Variants in SRCAP observed in about 807,000 individuals in gnomAD.
SRCAP encodes the protein Snf2 related CREBBP activator protein.
SRCAP carries 46 observed loss-of-function variants against 263.1 expected under a neutral mutation model. That is an observed-to-expected ratio of 0.17 (90% CI 0.14 to 0.22). The LOEUF (loss-of-function observed/expected upper bound fraction) is 0.22, where lower values mean the gene tolerates loss of function less well. SRCAP is among the 10% of genes least tolerant of loss of function. The pLI, the probability that SRCAP is intolerant of heterozygous loss-of-function variation, is 1.00. For missense variants in SRCAP, 3,695 were observed against 4,181.9 expected, an observed-to-expected ratio of 0.88 and a Z score of 3.21; for synonymous variants, 1,813 against 1,662.1, an observed-to-expected ratio of 1.09 and a Z score of -2.21.
At position 30,737,271 on chromosome 16, in the gene SRCAP, C is replaced by G. The variant is rs780573724; in HGVS notation, c.7231C>G (p.His2411Asp). The change falls in exon 34 of 34, where the codon CAC becomes GAC. Residue 2411 changes from histidine (H) to aspartate (D), a missense_variant. Physicochemically the swap from His to Asp is moderately conservative, Grantham distance 81. Around this residue, in one of 12 missense-constraint regions of SRCAP, gnomAD observed 1,207 missense variants for 1,142.9 expected, o/e 1.06. Coordinates refer to ENST00000262518, the MANE Select transcript of SRCAP (RefSeq NM_006662.3). ...GARAETQGAN[H>D]TPVISAHQTR... ...CCGGGCTGAGACTCAAGGGGCAAAC[C>G]ACACTCCTGTCATATCCGCCCATCA... The G allele has an allele frequency of 6.2e-7, 1 of 1,614,052 alleles. No individual in the cohort carries two copies. Among genetic ancestry groups the G allele is most frequent in the East Asian group, 2.2e-5 (1 of 44,862 alleles).
chr16:30,737,537 C>CACCCCTCCTCCTGCCTGT lies in SRCAP; in HGVS notation c.7506_7523dup (p.Cys2505_Ala2510dup), dbSNP rs778347308. On this transcript the variant is annotated inframe_insertion, in exon 34 of 34. Transcript: ENST00000262518. Reference sequence around the variant, plus strand: ...TTCCTCCTTGTTCTTCTCCTGCCTGCACCCCTCCTCCTGCCTGTACCCCTC... The same window carrying CACCCCTCCTCCTGCCTGT: ...TTCCTCCTTGTTCTTCTCCTGCCTGCACCCCTCCTCCTGCCTGTACCCCTCCTCCTGCCTGTACCCCTC... 1.1e-5 allele frequency: 18 copies of CACCCCTCCTCCTGCCTGT among 1,608,744 alleles called. No homozygotes were observed. The highest frequency in any genetic ancestry group is 6.7e-5 in the Admixed American group (4 of 59,992).
intron 3 of SRCAP, among the ~76,000 whole-genome samples, chr16:30,703,365 T>A (rs1274436437): frequency 2.0e-5 from 3 of 150,818 alleles, no homozygotes; most frequent in South Asian, 4.2e-4. Flanking sequence ...AGCTAATTTT[T>A]GTATTTTCAG....
rs1332957722 is a variant in SRCAP, at chr16:30,711,072, C to A, written c.1302C>A (p.Ser434Arg). Residue 434 changes from serine (S) to arginine (R), a missense_variant, in exon 10 of 34, where the codon AGC becomes AGA. Ser to Arg is a moderately radical substitution (Grantham distance 110, BLOSUM62 -1). Coordinates refer to ENST00000262518, the MANE Select transcript of SRCAP (RefSeq NM_006662.3). ...AGGTGGATCATGCCATGGAGCTGAG[C>A]GAGTTGGCTCGAGAAGGTGACATTT... is the stretch of plus-strand genomic sequence containing the variant. ...EGEVDHAMEL[S>R]ELAREGELSM... is the part of the protein sequence containing the mutation. The A allele has an allele frequency of 6.2e-7, 1 of 1,613,270 alleles. No individual in the cohort carries two copies. Among genetic ancestry groups the A allele is most frequent in the African/African-American group, 1.3e-5 (1 of 74,988 alleles).
At chr16:30,720,683 C>T in intron 19 of SRCAP, 30 bp from the exon 20 acceptor site, 6 of 1,563,148 alleles carry the variant, frequency 3.8e-6, no homozygotes, top group Non-Finnish European at 5.2e-6. Context: ...TCCTTCTGTC[C>T]CTACCCACTC....
intron 16 of SRCAP, 42 bp from the exon 17 acceptor site, chr16:30,716,024 C>T: frequency 1.2e-6 from 2 of 1,612,256 alleles, no homozygotes; most frequent in East Asian, 2.2e-5. Flanking sequence ...GGGCTCGGTG[C>T]CTGAGTTCTC....
chr16:30,720,568 TTCC>T (rs2053001563), intron 19 of SRCAP, 142 bp from the exon 20 acceptor site: 2 of 1,118,736 alleles, frequency 1.8e-6, no homozygotes, highest in African/African-American at 3.1e-5. Context: ...TTGTCTTAAA[TTCC>T]TATTCCTTGT....
chr16:30,724,204 C>G lies in SRCAP; in HGVS notation c.4780C>G (p.Gln1594Glu), dbSNP rs762599274. 3.1e-6 allele frequency: 5 copies of G among 1,614,054 alleles called. No homozygotes were observed. The Admixed American group carries it at 8.3e-5, about 27-fold the overall frequency. Residue 1594 changes from glutamine (Q) to glutamate (E), a missense_variant, in exon 25 of 34, where the codon CAG becomes GAG. Coordinates refer to ENST00000262518, the MANE Select transcript of SRCAP (RefSeq NM_006662.3). ...CCCTCTGGCTCCTATGGCGGCTCCA[C>G]AGACAGCAATTCTGGCTCCTTCTCC... Reference protein sequence around the residue: ...ATPLAPMAAPQTAILAPSPAP... With the variant: ...ATPLAPMAAPETAILAPSPAP...
intron 3 of SRCAP, among the ~76,000 whole-genome samples, 185 bp downstream of exon 3, chr16:30,701,063 T>C (rs1049037785): frequency 3.3e-5 from 5 of 152,144 alleles, no homozygotes; most frequent in African/African-American, 1.2e-4. Flanking sequence ...TGTAATATTA[T>C]CTCCAAGAGT....
chr16:30,707,107 G>A (rs1179681482), intron 4 of SRCAP, 76 bp from the exon 5 acceptor site: 1 of 1,487,326 alleles, frequency 6.7e-7, no homozygotes, highest in African/African-American at 1.4e-5. Context: ...CCCACTTAGT[G>A]CTCAGGAATT....
At chr16:30,715,213 T>TA (rs1390502055) in intron 16 of SRCAP, among the ~76,000 whole-genome samples, 6 of 152,270 alleles carry the variant, frequency 3.9e-5, no homozygotes, top group Non-Finnish European at 8.8e-5. Context: ...TCTGGCCTTA[T>TA]AGCCTGTTAT....
rs919026883 is a variant in SRCAP, at chr16:30,730,562, G to T, written c.6127+990G>T. On this transcript the variant is annotated intron_variant, in intron 27 of 33. Transcript: ENST00000262518. ...TTCTCCTGCTTCAGCCTCCTGAGTA[G>T]CTGGGATTACAGGTGCACACCACCA... is the stretch of plus-strand genomic sequence containing the variant. Among the ~76,000 whole-genome samples the T allele has an allele frequency of 2.0e-5, 3 of 152,000 alleles. No homozygotes were observed. The East Asian group carries it at 5.8e-4, about 29-fold the overall frequency.
intron 16 of SRCAP, among the ~76,000 whole-genome samples, chr16:30,715,726 T>C (rs2052942112): frequency 1.3e-5 from 2 of 152,264 alleles, no homozygotes; most frequent in South Asian, 4.1e-4. Context: ...TTTTATCTCC[T>C]GTCAAGGCCA....
chr16:30,738,265 C>G lies in SRCAP; in HGVS notation c.8225C>G (p.Pro2742Arg). Residue 2742 changes from proline (P) to arginine (R), a missense_variant, in exon 34 of 34, where the codon CCA (proline) becomes CGA (arginine). Coordinates refer to ENST00000262518, the MANE Select transcript of SRCAP (RefSeq NM_006662.3). ...GGGACTGGTCGGCCAGGACAACCAC[C>G]AGGCCCCAAAGTGCTTCGAAAGCTG... is the stretch of plus-strand genomic sequence containing the variant. ...GQGTGRPGQPPGPKVLRKLPG... is the reference protein window; with the variant it reads ...GQGTGRPGQPRGPKVLRKLPG... 1.2e-6 allele frequency: 2 copies of G among 1,611,324 alleles called. No homozygotes were observed. Among genetic ancestry groups the G allele is most frequent in the South Asian group, 2.2e-5 (2 of 90,818 alleles).
At position 30,733,486 on chromosome 16, in the gene SRCAP, C is replaced by G; in HGVS notation, c.6297+37C>G. The G allele has an allele frequency of 6.2e-7, 1 of 1,612,336 alleles. No individual in the cohort carries two copies. The highest frequency in any genetic ancestry group is 8.5e-7 in the Non-Finnish European group (1 of 1,178,710). On this transcript the variant is annotated intron_variant, in intron 28 of 33. Coordinates refer to ENST00000262518, the MANE Select transcript of SRCAP (RefSeq NM_006662.3). The surrounding 1 kb of genome is among the most constrained non-coding windows in gnomAD (Gnocchi z 5.3). ...TTCTGCAGCTCTTAGAGGCTCACCT[C>G]CGCTTCTCTCTCCTTTTCCCAGGAT...
intron 14 of SRCAP, 142 bp from the exon 15 acceptor site, chr16:30,713,066 T>C: frequency 1.9e-6 from 2 of 1,038,160 alleles, no homozygotes; most frequent in Non-Finnish European, 2.8e-6. Flanking sequence ...AGGCCCCTCC[T>C]CTTTCTGTCG....
At chr16:30,722,477 G>A (rs2053020287) in intron 22 of SRCAP, 86 bp from the exon 23 acceptor site, 2 of 1,548,550 alleles carry the variant, frequency 1.3e-6, no homozygotes, top group African/African-American at 2.7e-5. Context: ...TTCCCTCTCT[G>A]TTCTTTTCTT....
At position 30,737,544 on chromosome 16, in the gene SRCAP, C is replaced by T. The variant is rs759964374; in HGVS notation, c.7504C>T (p.Pro2502Ser). The change falls in exon 34 of 34, where the codon CCT becomes TCT. Residue 2502 changes from proline to serine, a missense_variant. Coordinates refer to ENST00000262518, the MANE Select transcript of SRCAP (RefSeq NM_006662.3). ...TTGTTCTTCTCCTGCCTGCACCCCTCCTCCTGCCTGTACCCCTCCACCAGC... is the reference window on the plus strand; with the variant it reads ...TTGTTCTTCTCCTGCCTGCACCCCTTCTCCTGCCTGTACCCCTCCACCAGC... ...PPCSSPACTP[P>S]PACTPPPAHT... 2 of 1,612,086 alleles carry T rather than the reference C, an allele frequency of 1.2e-6. No homozygotes were observed. The highest frequency in any genetic ancestry group is 2.2e-5 in the East Asian group (1 of 44,856).
chr16:30,733,614 C>T lies in SRCAP; in HGVS notation c.6310C>T (p.Arg2104Trp). Residue 2104 changes from arginine to tryptophan, a missense_variant, in exon 29 of 34, where the codon CGG becomes TGG. Arg to Trp is a moderately radical substitution (Grantham distance 101). This residue lies in a region of SRCAP where 138 missense variants were observed against 254.9 expected (regional missense o/e 0.54). Transcript: ENST00000262518. This position sits in a 1 kb window ranked among gnomAD's most constrained non-coding sequence, Gnocchi z 5.3. ...RVEQRQALME[R>W]FNADKRIFCF... ...CCTTTCCTTCTAGGCCTTGATGGAA[C>T]GGTTCAATGCAGACAAACGCATATT... The T allele has an allele frequency of 6.2e-7, 1 of 1,613,068 alleles. No homozygotes were observed.
Position 30,728,991 on chromosome 16 carries a change from G to C in SRCAP, c.5684G>C (p.Arg1895Pro), listed in dbSNP as rs763057965. 6.2e-7 allele frequency: 1 copy of C among 1,613,652 alleles called. No homozygotes were observed. The change falls in exon 26 of 34, where the codon CGG becomes CCG. Residue 1895 changes from arginine (R) to proline (P), a missense_variant. By Grantham distance (103) the Arg-to-Pro change is moderately radical (BLOSUM62 -2). Coordinates refer to ENST00000262518, the MANE Select transcript of SRCAP (RefSeq NM_006662.3). ...YLDSLEEKRK[R>P]QRSERLERIF... is the part of the protein sequence containing the mutation. ...GACTCCCTGGAGGAAAAGCGGAAGCGGCAGCGGTCTGAACGCCTGGAACGG... is the reference window on the plus strand; with the variant it reads ...GACTCCCTGGAGGAAAAGCGGAAGCCGCAGCGGTCTGAACGCCTGGAACGG...
Sources: gnomAD v4.1 joint callset for allele counts (sites outside exome capture counted in the v4.1 genomes callset) on GRCh38, gnomAD v4.1.1 for gene constraint, gnomAD v4.1.1 regional missense constraint, Gnocchi (gnomAD v3.1) non-coding constraint, MANE v1.5 for transcripts, NCBI Gene and HGNC (gene_info 2026-07-23, HGNC 2026-07-21) for gene names.